Variants in PINX1 observed in about 807,000 individuals in gnomAD.
PINX1 encodes the protein PIN2/TERF1-interacting telomerase inhibitor 1.
A neutral mutation model predicts 25.4 loss-of-function variants in PINX1; 34 were observed. The ratio of observed to expected loss-of-function variants is 1.34; its 90% CI spans 1.02 to 1.78. PINX1 has a LOEUF of 1.78. Among genes scored for constraint, PINX1 ranks in the 40% most tolerant of loss-of-function variants. The pLI is 0.00. For missense variants in PINX1, 592 were observed against 404.9 expected (o/e 1.46, Z -3.97); for synonymous variants, 197 against 147.7 (o/e 1.33, Z -2.42).
chr8:10,767,696 C>G (rs1435856078), intron 6 of PINX1, among the ~76,000 whole-genome samples: 1 of 152,102 alleles, frequency 6.6e-6, no homozygotes, highest in Non-Finnish European at 1.5e-5. Flanking sequence ...AAGAAAGATC[C>G]TGCCTCCCAA....
At chr8:10,810,882 G>C (rs1477581382) in intron 6 of PINX1, among the ~76,000 whole-genome samples, 1 of 152,250 alleles carries the variant, frequency 6.6e-6, no homozygotes, top group African/African-American at 2.4e-5. Context: ...AGAGGACTTT[G>C]AGAAGGACGT....
At chr8:10,822,101 T>C (rs1163077322) in intron 5 of PINX1, 2 of 152,204 alleles carry the variant, frequency 1.3e-5, no homozygotes, top group Non-Finnish European at 1.5e-5. Flanking sequence ...CCAGGATTGT[T>C]ACAGGCCTTG....
intron 1 of PINX1, among the ~76,000 whole-genome samples, chr8:10,837,145 C>G (rs1160387055): frequency 6.6e-6 from 1 of 152,184 alleles, no homozygotes; most frequent in Non-Finnish European, 1.5e-5. Flanking sequence ...GCAAATGATA[C>G]AGTTTATGCT....
At chr8:10,808,664 G>A (rs2898245) in intron 6 of PINX1, among the ~76,000 whole-genome samples, 30,350 of 152,132 alleles carry the variant, frequency 0.2, 4,285 homozygotes, top group African/African-American at 0.4. Flanking sequence ...TTTAACTCAC[G>A]CAATGTGGAC....
chr8:10,814,261 A>G (rs2129083985), intron 6 of PINX1, among the ~76,000 whole-genome samples: 1 of 152,298 alleles, frequency 6.6e-6, no homozygotes, highest in East Asian at 1.9e-4. Flanking sequence ...CCCACACAGA[A>G]CAGTTTATGA....
chr8:10,795,371 A>T (rs542369549), intron 6 of PINX1, among the ~76,000 whole-genome samples: 1 of 152,292 alleles, frequency 6.6e-6, no homozygotes, highest in Non-Finnish European at 1.5e-5. Flanking sequence ...AATTTTTAAC[A>T]ATCAACGTCA....
intron 4 of PINX1, among the ~76,000 whole-genome samples, chr8:10,827,642 C>T (rs779974794): frequency 1.3e-4 from 19 of 151,678 alleles, no homozygotes; most frequent in Non-Finnish European, 2.2e-4. Flanking sequence ...CGCGGTGGCT[C>T]ATGCCTGTAA....
intron 5 of PINX1, among the ~76,000 whole-genome samples, chr8:10,822,541 C>T (rs1797910375): frequency 6.6e-6 from 1 of 152,130 alleles, no homozygotes; most frequent in South Asian, 2.1e-4. Context: ...AGGAAGAACA[C>T]TCTATTTAGG....
At chr8:10,791,484 C>T (rs1758184167) in intron 6 of PINX1, among the ~76,000 whole-genome samples, 1 of 152,166 alleles carries the variant, frequency 6.6e-6, no homozygotes, top group Non-Finnish European at 1.5e-5. Flanking sequence ...GGGGATCAAC[C>T]CCTCGGACCA....
intron 4 of PINX1, 72 bp from the exon 5 acceptor site, chr8:10,826,316 A>G (rs913511686): frequency 1.3e-6 from 1 of 781,982 alleles, no homozygotes; most frequent in Non-Finnish European, 2.0e-6. Flanking sequence ...AACAGTGGAT[A>G]GTCTTGAAAG....
intron 6 of PINX1, among the ~76,000 whole-genome samples, chr8:10,770,056 T>C (rs1258496837): frequency 6.6e-6 from 1 of 152,244 alleles, no homozygotes; most frequent in Non-Finnish European, 1.5e-5. Flanking sequence ...AAAAGAGTTT[T>C]ATAATTTATC....
At chr8:10,831,450 C>G (rs987199329) in intron 4 of PINX1, among the ~76,000 whole-genome samples, 2 of 151,920 alleles carry the variant, frequency 1.3e-5, no homozygotes, top group African/African-American at 4.8e-5. Flanking sequence ...TAAATGCTCC[C>G]AACACAAATA....
At chr8:10,817,097 T>C (rs1797721699) in intron 6 of PINX1, among the ~76,000 whole-genome samples, 1 of 152,128 alleles carries the variant, frequency 6.6e-6, no homozygotes, top group Non-Finnish European at 1.5e-5. Flanking sequence ...GCCAAGAACA[T>C]GGTTAACGCC....
intron 6 of PINX1, among the ~76,000 whole-genome samples, chr8:10,774,283 T>A (rs1801318866): frequency 1.3e-5 from 2 of 151,574 alleles, no homozygotes; most frequent in African/African-American, 4.8e-5. Context: ...AAGAATAAGG[T>A]CTTTTTTTTT....
intron 6 of PINX1, among the ~76,000 whole-genome samples, chr8:10,818,309 C>T (rs907675145): frequency 5.9e-5 from 9 of 152,194 alleles, no homozygotes; most frequent in Non-Finnish European, 1.2e-4. Flanking sequence ...TGAAGCTCCT[C>T]AAACACAGGT....
intron 6 of PINX1, among the ~76,000 whole-genome samples, chr8:10,811,905 T>TCCA (rs1283342702): frequency 6.6e-6 from 1 of 152,152 alleles, no homozygotes; most frequent in East Asian, 1.9e-4. Flanking sequence ...GGGGCCAGAC[T>TCCA]CCACCTCCTG....
At chr8:10,833,123 A>C (rs1009122314) in intron 2 of PINX1, 139 bp from the exon 3 acceptor site, 5 of 566,666 alleles carry the variant, frequency 8.8e-6, no homozygotes, top group African/African-American at 1.9e-5. Flanking sequence ...TCACAAAGCA[A>C]CATGGGGGAG....
At chr8:10,804,176 C>T (rs1330135833) in intron 6 of PINX1, among the ~76,000 whole-genome samples, 3 of 152,192 alleles carry the variant, frequency 2.0e-5, no homozygotes, top group African/African-American at 4.8e-5. Flanking sequence ...TTCAGACCAA[C>T]GCAGAGCGCA....
chr8:10,812,514 A>T (rs1216222521), intron 6 of PINX1, among the ~76,000 whole-genome samples: 2 of 152,214 alleles, frequency 1.3e-5, no homozygotes, highest in Admixed American at 1.3e-4. Context: ...CTGCCAGCCC[A>T]TGCAGGCTGC....
Sources: gnomAD v4.1 joint callset for allele counts (sites outside exome capture counted in the v4.1 genomes callset) on GRCh38, gnomAD v4.1.1 for gene constraint, MANE v1.5 for transcripts, NCBI Gene and HGNC (gene_info 2026-07-23, HGNC 2026-07-21) for gene names.